The following NECTIN1 variants were observed in gnomAD, a reference collection of about 807,000 sequenced individuals.
NECTIN1 encodes nectin cell adhesion molecule 1.
In NECTIN1, 23 loss-of-function variants were observed where a neutral mutation model predicts 48.0. That is an observed-to-expected ratio of 0.48 (90% CI 0.34 to 0.68). The LOEUF is 0.68. Among genes scored for constraint, NECTIN1 ranks in the 30% least tolerant of loss-of-function variants. The pLI is 0.01. For missense variants in NECTIN1, 591 were observed against 709.9 expected (o/e 0.83, Z 1.90); for synonymous variants, 270 against 288.9 (o/e 0.93, Z 0.66).
intron 1 of NECTIN1, among the ~76,000 whole-genome samples, chr11:119,692,824 G>C (rs1865281046): frequency 6.6e-6 from 1 of 152,208 alleles, no homozygotes; most frequent in African/African-American, 2.4e-5. Context: ...CACAGGTGAC[G>C]TTCTTCACCA....
chr11:119,665,663 A>G lies in NECTIN1; in HGVS notation c.1004-366T>C, dbSNP rs1645856627. 6.6e-6 allele frequency among the ~76,000 whole-genome samples: 1 copy of G among 152,176 alleles called. No homozygotes were observed. The highest frequency in any genetic ancestry group is 2.1e-4 in the South Asian group (1 of 4,832). ...ACACTGCCCACTCCATGCCATTCAC[A>G]GCCACAACCCTGAGGAGGTATGCCA... On this transcript the variant is annotated intron_variant, in intron 5 of 5. Transcript: ENST00000264025. The surrounding 1 kb of genome is among the most constrained non-coding windows in gnomAD (Gnocchi z 5.1).
At chr11:119,658,149 A>G (rs2135537241), downstream of NECTIN1, among the ~76,000 whole-genome samples, 1 of 152,272 alleles carries the variant, frequency 6.6e-6, no homozygotes. Flanking sequence ...CATGGAGCTC[A>G]AGATGAGCTT....
At position 119,704,454 on chromosome 11, in the gene NECTIN1, T is replaced by C. The variant is rs1766331422; in HGVS notation, c.79+24021A>G. ...CTGGTCTAGAACTCCTGACCTCAAG[T>C]GATCCACCCGCCTCGGCCTCCCAAA... On this transcript the variant is annotated intron_variant, in intron 1 of 5. Coordinates refer to ENST00000264025, the MANE Select transcript of NECTIN1 (RefSeq NM_002855.5). Among the ~76,000 whole-genome samples, 2 of 152,106 alleles carry C rather than the reference T, an allele frequency of 1.3e-5. 1 individual carries two copies. The highest frequency in any genetic ancestry group is 4.1e-4 in the South Asian group (2 of 4,824).
intron 1 of NECTIN1, among the ~76,000 whole-genome samples, chr11:119,692,410 G>A (rs1295465935): frequency 6.7e-6 from 1 of 148,820 alleles, no homozygotes; most frequent in East Asian, 2.1e-4. Flanking sequence ...TTGTGGCAGT[G>A]ATGTGTGTGT....
chr11:119,712,864 TTAAAG>T (rs1311693814), intron 1 of NECTIN1: 1 of 152,250 alleles, frequency 6.6e-6, no homozygotes, highest in Non-Finnish European at 1.5e-5. Context: ...TTCCAGTTGC[TTAAAG>T]TATTTTTTTT....
intron 1 of NECTIN1, chr11:119,710,102 G>A (rs1865613024): frequency 6.6e-6 from 1 of 152,198 alleles, no homozygotes; most frequent in Non-Finnish European, 1.5e-5. Context: ...TGGGGGCGTG[G>A]TGCTGAGGGA....
Position 119,664,523 on chromosome 11 carries a change from G to C in NECTIN1, c.*224C>G. On this transcript the variant is annotated 3_prime_UTR_variant, in exon 6 of 6. Transcript: ENST00000264025. ...ATACAGTAACACTAAAGCCACAGTC[G>C]AACACAACACCATGGGGAAGGGCGG... 2.8e-6 allele frequency: 4 copies of C among 1,414,094 alleles called. No individual in the cohort carries two copies. The highest frequency in any genetic ancestry group is 2.6e-5 in the East Asian group (1 of 38,944). The allele number at this position is 1,414,094 out of a possible 1,614,324, so 87.6% of individuals were successfully genotyped here.
chr11:119,712,122 G>A (rs4409845), intron 1 of NECTIN1, among the ~76,000 whole-genome samples: 129,138 of 152,206 alleles, frequency 0.85, 56,801 homozygotes, highest in South Asian at 0.97. Flanking sequence ...GGACAAGTTG[G>A]GCTTGGACTG....
chr11:119,644,193 T>C (rs577306657), intron 5 of NECTIN1, among the ~76,000 whole-genome samples: 49 of 152,350 alleles, frequency 3.2e-4, no homozygotes, highest in African/African-American at 1.0e-3. Flanking sequence ...CTGGTTTTCC[T>C]GTCCCTCAGA....
At chr11:119,642,742 A>G (rs1041061931) in intron 5 of NECTIN1, 2 of 153,600 alleles carry the variant, frequency 1.3e-5, no homozygotes, top group Non-Finnish European at 2.9e-5. Flanking sequence ...GTATTTGCCT[A>G]TAACCTATAC....
chr11:119,642,916 T>G (rs1864347592), intron 5 of NECTIN1: 1 of 153,704 alleles, frequency 6.5e-6, no homozygotes, highest in Non-Finnish European at 1.5e-5. Context: ...TTTCTGAGTA[T>G]TTTTGATCTG....
intron 1 of NECTIN1, among the ~76,000 whole-genome samples, chr11:119,685,304 C>G (rs1158906342): frequency 2.0e-5 from 3 of 152,262 alleles, no homozygotes; most frequent in Non-Finnish European, 4.4e-5. Context: ...CCACATGGAG[C>G]TGTTTAATGA....
At chr11:119,680,514 A>G (rs1865041711) in intron 1 of NECTIN1, among the ~76,000 whole-genome samples, 1 of 152,206 alleles carries the variant, frequency 6.6e-6, no homozygotes, top group South Asian at 2.1e-4. Context: ...TTGTAGCAAC[A>G]CAGGCTCCTC....
chr11:119,658,297 G>C (rs1281564534), downstream of NECTIN1, among the ~76,000 whole-genome samples: 1 of 152,170 alleles, frequency 6.6e-6, no homozygotes, highest in Non-Finnish European at 1.5e-5. Context: ...CGCCTCATCT[G>C]GGAGTAGTTC....
In NECTIN1 at chr11:119,673,798, G is replaced by A. The variant is rs1439391645; in HGVS notation, c.1003+1361C>T. Among the ~76,000 whole-genome samples, 2 of 152,132 alleles carry A rather than the reference G, an allele frequency of 1.3e-5. No individual in the cohort carries two copies. The highest frequency in any genetic ancestry group is 2.4e-5 in the African/African-American group (1 of 41,432). On this transcript the variant is annotated intron_variant, in intron 5 of 5. Coordinates refer to ENST00000264025, the MANE Select transcript of NECTIN1 (RefSeq NM_002855.5). This position sits in a 1 kb window ranked among gnomAD's most constrained non-coding sequence, Gnocchi z 5.8. The stretch of plus-strand genomic sequence containing the variant: ...ATGAGGCTCATTTTGAGCTGTACTT[G>A]GACCTTCCCCGCTGGGGAGAAGTGT...
At chr11:119,720,515 C>T (rs1457254119) in intron 1 of NECTIN1, among the ~76,000 whole-genome samples, 2 of 152,288 alleles carry the variant, frequency 1.3e-5, no homozygotes, top group African/African-American at 2.4e-5. Flanking sequence ...CCGTGTGGCC[C>T]CCCATGGGAG....
intron 5 of NECTIN1, among the ~76,000 whole-genome samples, chr11:119,666,002 A>C (rs905960664): frequency 6.6e-6 from 1 of 152,146 alleles, no homozygotes; most frequent in Non-Finnish European, 1.5e-5. Flanking sequence ...AAGGTGCCAG[A>C]AACTAGGGCT....
intron 1 of NECTIN1, among the ~76,000 whole-genome samples, chr11:119,718,807 G>A (rs1195710304): frequency 6.6e-6 from 1 of 152,200 alleles, no homozygotes; most frequent in Non-Finnish European, 1.5e-5. Flanking sequence ...CAGTGTCTGT[G>A]GCAGGATATA....
rs12222952 is a variant in NECTIN1 at position 119,644,330 on chromosome 11, G to A, written c.1004-4318C>T. Reference sequence around the variant, plus strand: ...GCTCTACTGGATTCACTGAGGCCTCGTGGTTTGGGAGCCCGAGGAGCTTTG... The same window carrying A: ...GCTCTACTGGATTCACTGAGGCCTCATGGTTTGGGAGCCCGAGGAGCTTTG... On this transcript the variant is annotated intron_variant, in intron 5 of 7. Transcript: ENST00000341398. 3.6e-3 allele frequency among the ~76,000 whole-genome samples: 552 copies of A among 152,312 alleles called. 8 individuals are homozygous for A. Among genetic ancestry groups the A allele is most frequent in the East Asian group, 0.033 (173 of 5,186 alleles).
Sources: allele counts gnomAD v4.1 joint callset (sites outside exome capture counted in the v4.1 genomes callset), GRCh38; gene constraint gnomAD v4.1.1; non-coding constraint Gnocchi (gnomAD v3.1); transcripts MANE v1.5; gene names NCBI Gene and HGNC (gene_info 2026-07-23, HGNC 2026-07-21).